The following SOS1 variants were observed in gnomAD, a reference collection of about 807,000 sequenced individuals.
SOS1 encodes SOS Ras/Rac guanine nucleotide exchange factor 1, also known as son of sevenless homolog 1.
Under a neutral mutation model 157.6 loss-of-function variants are expected in SOS1, and 25 were observed. The ratio of observed to expected loss-of-function variants is 0.16; its 90% CI spans 0.12 to 0.22. The LOEUF is 0.22. SOS1 is among the 10% of genes least tolerant of loss of function. The pLI is 1.00. For synonymous variants in SOS1, 528 were observed against 534.0 expected (o/e 0.99, Z 0.16); for missense variants, 1,237 against 1,599.1 (o/e 0.77, Z 3.86).
rs2124514743 is a variant in SOS1 at position 39,012,062 on chromosome 2, G to C, written c.2390+64C>G. 3.5e-6 allele frequency: 4 copies of C among 1,154,506 alleles called. No homozygotes were observed. The South Asian group carries it at 4.9e-5, about 14-fold the overall frequency. The allele number at this position is 1,154,506 out of a possible 1,614,324, so 71.5% of individuals were successfully genotyped here. A position where few individuals can be genotyped will look rare whatever the true frequency, so the allele number is the denominator to read the frequency against. On this transcript the variant is annotated intron_variant, in intron 14 of 22. Coordinates refer to ENST00000402219, the MANE Select transcript of SOS1 (RefSeq NM_005633.4). ...TGAAAACCCTATAAGGCAGAAATCA[G>C]TATTTCATTTTAAAAGTTAACTCTT...
At chr2:39,031,466 G>A (rs781716881) in intron 8 of SOS1, among the ~76,000 whole-genome samples, 1 of 152,036 alleles carries the variant, frequency 6.6e-6, no homozygotes, top group African/African-American at 2.4e-5. Context: ...GTGGGGGCTC[G>A]CACCTATAAT....
intron 19 of SOS1, 87 bp downstream of exon 19, chr2:38,996,835 T>C (rs1014997715): frequency 1.0e-5 from 8 of 790,084 alleles, no homozygotes; most frequent in Non-Finnish European, 1.9e-5. Context: ...CTATCACATG[T>C]ATACTTCATC....
chr2:39,019,857 A>G (rs921261209), intron 10 of SOS1, among the ~76,000 whole-genome samples: 2 of 151,646 alleles, frequency 1.3e-5, no homozygotes, highest in East Asian at 1.9e-4. Context: ...ATTACTGACA[A>G]TATCTTCATA....
chr2:39,122,583 G>C (rs952141553), upstream of SOS1, among the ~76,000 whole-genome samples: 1 of 151,992 alleles, frequency 6.6e-6, no homozygotes, highest in Non-Finnish European at 1.5e-5. Flanking sequence ...AGGCTGGCGA[G>C]ACCCATCTTT....
chr2:39,054,589 G>C lies in SOS1; in HGVS notation c.720+25C>G, dbSNP rs997344. 0.91 allele frequency: 1,161,430 copies of C among 1,272,808 alleles called. 530,808 individuals are homozygous for C. Among genetic ancestry groups the C allele is most frequent in the African/African-American group, 0.97 (66,496 of 68,458 alleles). 78.8% of individuals were successfully genotyped at this position (1,272,808 alleles called of 1,614,324 possible). On this transcript the variant is annotated intron_variant, in intron 5 of 22. Coordinates refer to ENST00000402219, the MANE Select transcript of SOS1 (RefSeq NM_005633.4). ...GCAAATTTCACAACACATTCAATGAGAGGCATATATACAATGATACTTACA... is the reference window on the plus strand; with the variant it reads ...GCAAATTTCACAACACATTCAATGACAGGCATATATACAATGATACTTACA...
intron 17 of SOS1, among the ~76,000 whole-genome samples, chr2:38,998,531 G>C (rs1321955891): frequency 1.3e-5 from 2 of 152,172 alleles, no homozygotes; most frequent in Admixed American, 1.3e-4. Flanking sequence ...GATTACAAGC[G>C]TGAGTCACCG....
intron 17 of SOS1, among the ~76,000 whole-genome samples, chr2:38,999,944 G>A (rs1669038277): frequency 6.6e-6 from 1 of 152,196 alleles, no homozygotes; most frequent in African/African-American, 2.4e-5. Flanking sequence ...GGGTTGGAAG[G>A]AGTTAAGACC....
intron 6 of SOS1, among the ~76,000 whole-genome samples, chr2:39,037,159 C>A (rs954830711): frequency 1.3e-5 from 2 of 152,148 alleles, no homozygotes; most frequent in Admixed American, 6.5e-5. Flanking sequence ...CTAAAAATTG[C>A]TATCATAATA....
At chr2:39,083,425 G>A (rs1364603102) in intron 1 of SOS1, among the ~76,000 whole-genome samples, 2 of 152,156 alleles carry the variant, frequency 1.3e-5, no homozygotes, top group African/African-American at 4.8e-5. Flanking sequence ...AGCTTCAAAT[G>A]TTGCAAAACG....
At chr2:39,076,207 C>A (rs999304350) in intron 1 of SOS1, among the ~76,000 whole-genome samples, 4 of 152,072 alleles carry the variant, frequency 2.6e-5, no homozygotes, top group Non-Finnish European at 5.9e-5. Flanking sequence ...TGAGACCAGT[C>A]TGGGTAACAA....
chr2:39,010,437 G>A, intron 15 of SOS1, 147 bp downstream of exon 15: 1 of 697,290 alleles, frequency 1.4e-6, no homozygotes, highest in Non-Finnish European at 2.5e-6. Context: ...CCTGGGAGGT[G>A]GAGGTTTCAG....
intron 6 of SOS1, among the ~76,000 whole-genome samples, chr2:39,045,247 A>AGGGAGAGAGAGAGGGAGAGGGAGAGG (rs150513425): frequency 5.4e-5 from 7 of 129,390 alleles, no homozygotes; most frequent in African/African-American, 1.7e-4. Flanking sequence ...AGAGAGGGAG[A>AGGGAGAGAGAGAGGGAGAGGGAGAGG]GAGAGAGAGA....
chr2:39,090,980 T>C (rs7605889), intron 1 of SOS1, among the ~76,000 whole-genome samples: 5,603 of 152,222 alleles, frequency 0.037, 327 homozygotes, highest in African/African-American at 0.12. Context: ...GCGATTCTCC[T>C]GTTTCAGCCT....
intron 10 of SOS1, among the ~76,000 whole-genome samples, chr2:39,018,556 T>C (rs556828620): frequency 1.4e-4 from 21 of 151,956 alleles, no homozygotes; most frequent in South Asian, 1.0e-3. Flanking sequence ...TGCACAATAC[T>C]TCAAAATTTT....
chr2:39,081,983 G>C (rs1049366643), intron 1 of SOS1, among the ~76,000 whole-genome samples: 2 of 152,134 alleles, frequency 1.3e-5, no homozygotes, highest in Admixed American at 1.3e-4. Flanking sequence ...ATACAGATAT[G>C]TAATGCATAA....
chr2:38,991,028 A>C (rs1328377451), intron 20 of SOS1, among the ~76,000 whole-genome samples: 1 of 152,154 alleles, frequency 6.6e-6, no homozygotes, highest in Non-Finnish European at 1.5e-5. Flanking sequence ...TCTTGGCTGT[A>C]CATTAGAATC....
At chr2:39,115,702 T>A (rs1588404) in intron 1 of SOS1, among the ~76,000 whole-genome samples, 1 of 152,222 alleles carries the variant, frequency 6.6e-6, no homozygotes, top group Non-Finnish European at 1.5e-5. Flanking sequence ...CCTCCTAAAG[T>A]GCTGGGATTA....
intron 5 of SOS1, among the ~76,000 whole-genome samples, chr2:39,053,322 G>A (rs1206679129): frequency 6.6e-6 from 1 of 152,164 alleles, no homozygotes; most frequent in African/African-American, 2.4e-5. Context: ...GTATGTAGTA[G>A]TATGTCATGG....
intron 10 of SOS1, among the ~76,000 whole-genome samples, chr2:39,017,959 A>G (rs1225463856): frequency 6.6e-6 from 1 of 151,942 alleles, no homozygotes; most frequent in Non-Finnish European, 1.5e-5. Context: ...CAATAAGGAC[A>G]GGTTATATAA....
Sources: gnomAD v4.1 joint callset for allele counts (sites outside exome capture counted in the v4.1 genomes callset) on GRCh38, gnomAD v4.1.1 for gene constraint, MANE v1.5 for transcripts, NCBI Gene and HGNC (gene_info 2026-07-23, HGNC 2026-07-21) for gene names.